Variants in INSC observed in about 807,000 individuals in gnomAD.
The protein encoded by INSC is INSC spindle orientation adaptor protein.
A neutral mutation model predicts 58.6 loss-of-function variants in INSC; 67 were observed. The ratio of observed to expected loss-of-function variants is 1.14; its 90% confidence interval spans 0.94 to 1.40. The LOEUF (loss-of-function observed/expected upper bound fraction) is 1.40, where lower values mean the gene tolerates loss of function less well. Ranked by LOEUF, INSC falls within the 40% of genes most tolerant of loss-of-function variation. The probability of loss-of-function intolerance (pLI) is 0.00; values close to 1 mark genes in which losing one functional copy is unlikely to be tolerated. For synonymous variants in INSC, 262 were observed against 276.1 expected, an observed-to-expected ratio of 0.95 and a Z score of 0.51; for missense variants, 714 against 692.0, an observed-to-expected ratio of 1.03 and a Z score of -0.36.
At chr11:15,144,836 G>A (rs558895624) in intron 1 of INSC, among the ~76,000 whole-genome samples, 2 of 152,384 alleles carry the variant, frequency 1.3e-5, no homozygotes, top group African/African-American at 2.4e-5. Flanking sequence ...GCAGAGATGA[G>A]CTGTCCAAAC....
chr11:15,239,258 G>A (rs761930667), intron 11 of INSC, among the ~76,000 whole-genome samples, 184 bp downstream of exon 11: 19 of 152,194 alleles, frequency 1.2e-4, no homozygotes, highest in Non-Finnish European at 2.2e-4. Context: ...ACTTGGGGCC[G>A]AAGCAAGAGG....
At position 15,175,879 on chromosome 11, in the gene INSC, A is replaced by C; in HGVS notation, c.195A>C (p.Ala65=). The C allele has an allele frequency of 6.2e-7, 1 of 1,614,094 alleles. No homozygotes were observed. Among genetic ancestry groups the C allele is most frequent in the Non-Finnish European group, 8.5e-7 (1 of 1,179,920 alleles). Residue 65 remains alanine, a synonymous_variant, in exon 3 of 13, where the codon GCA becomes GCC. Transcript: ENST00000379556. ...ATGCACAGGGTGACCTCATCCTGGC[A>C]GGTGGCCCTGGCCCTGGAGACCCCC... ...EEDAQGDLIL[A]GGPGPGDPLQ...
chr11:15,164,430 G>A (rs1470292266), intron 2 of INSC, among the ~76,000 whole-genome samples: 1 of 152,096 alleles, frequency 6.6e-6, no homozygotes, highest in East Asian at 1.9e-4. Flanking sequence ...TCTCGTTCCT[G>A]TGCCTCTGTT....
At chr11:15,156,474 T>G (rs1848818995) in intron 2 of INSC, among the ~76,000 whole-genome samples, 1 of 152,178 alleles carries the variant, frequency 6.6e-6, no homozygotes, top group Non-Finnish European at 1.5e-5. Context: ...ATTCATTGTG[T>G]GATGTTGGCC....
At chr11:15,266,811 C>T in the INSC span, among the ~76,000 whole-genome samples, 1 of 151,974 alleles carries the variant, frequency 6.6e-6, no homozygotes, top group Admixed American at 6.6e-5. Flanking sequence ...ACTTTCCCAA[C>T]CACTTCATGC....
chr11:15,166,063 A>G (rs1849185761), intron 2 of INSC, among the ~76,000 whole-genome samples: 2 of 152,174 alleles, frequency 1.3e-5, no homozygotes, highest in South Asian at 2.1e-4. Context: ...GTCAGTGTCA[A>G]TAGTGTTTCA....
chr11:15,163,457 G>A (rs1417513503), intron 2 of INSC, among the ~76,000 whole-genome samples: 1 of 151,854 alleles, frequency 6.6e-6, no homozygotes, highest in Non-Finnish European at 1.5e-5. Flanking sequence ...AAAGTTTTCT[G>A]ATTTATAGTT....
intron 2 of INSC, among the ~76,000 whole-genome samples, chr11:15,152,888 T>G (rs1311460332): frequency 6.6e-6 from 1 of 152,204 alleles, no homozygotes. Flanking sequence ...GTGAAGTTAC[T>G]TGCTCAAGAA....
intron 2 of INSC, among the ~76,000 whole-genome samples, chr11:15,155,713 G>A (rs1714348): frequency 0.39 from 59,254 of 152,072 alleles, 12,364 homozygotes; most frequent in Non-Finnish European, 0.48. Context: ...AAGTAAGGCA[G>A]AGAAATCCAA....
chr11:15,198,401 G>T (rs1033804668), intron 6 of INSC, among the ~76,000 whole-genome samples: 1 of 152,136 alleles, frequency 6.6e-6, no homozygotes, highest in African/African-American at 2.4e-5. Flanking sequence ...TGAGAGAGAT[G>T]TAATGAGAAT....
chr11:15,207,902 A>G (rs1850869462), intron 7 of INSC, among the ~76,000 whole-genome samples: 1 of 152,176 alleles, frequency 6.6e-6, no homozygotes, highest in Non-Finnish European at 1.5e-5. Flanking sequence ...GAGCAAGTTG[A>G]GGCTGGAAAG....
At chr11:15,255,711 T>C in the INSC span, among the ~76,000 whole-genome samples, 1 of 144,416 alleles carries the variant, frequency 6.9e-6, no homozygotes, top group South Asian at 2.4e-4. Flanking sequence ...AGGCTATTTG[T>C]ATGTATGTAT....
At chr11:15,166,404 T>C (rs564684287) in intron 2 of INSC, among the ~76,000 whole-genome samples, 1 of 152,336 alleles carries the variant, frequency 6.6e-6, no homozygotes, top group Admixed American at 6.5e-5. Context: ...TTCAAAATCT[T>C]TATTATCATA....
chr11:15,253,720 A>T, the INSC span, among the ~76,000 whole-genome samples: 1 of 151,840 alleles, frequency 6.6e-6, no homozygotes, highest in African/African-American at 2.4e-5. Context: ...CAAGCCCTGG[A>T]TGAGATTTAC....
At chr11:15,145,613 C>A (rs1306441119) in intron 1 of INSC, among the ~76,000 whole-genome samples, 1 of 152,184 alleles carries the variant, frequency 6.6e-6, no homozygotes, top group Admixed American at 6.5e-5. Flanking sequence ...ATGATCTCCC[C>A]TCCCCTGATC....
intron 1 of INSC, among the ~76,000 whole-genome samples, chr11:15,131,652 G>A (rs1848128507): frequency 6.6e-6 from 1 of 151,946 alleles, no homozygotes; most frequent in Non-Finnish European, 1.5e-5. Context: ...ATGCTATTAG[G>A]TATATCATCA....
chr11:15,217,712 A>G (rs1851272924), intron 7 of INSC, among the ~76,000 whole-genome samples: 1 of 152,224 alleles, frequency 6.6e-6, no homozygotes, highest in African/African-American at 2.4e-5. Context: ...TAAACAGGCA[A>G]TTTATAGTAG....
intron 10 of INSC, among the ~76,000 whole-genome samples, chr11:15,235,973 T>G (rs1424530986): frequency 6.7e-6 from 1 of 150,104 alleles, no homozygotes; most frequent in Non-Finnish European, 1.5e-5. Flanking sequence ...GGAGAATCAC[T>G]TGAACCTGGG....
chr11:15,124,860 A>C (rs903717907), intron 1 of INSC, among the ~76,000 whole-genome samples: 2 of 151,954 alleles, frequency 1.3e-5, no homozygotes, highest in Non-Finnish European at 2.9e-5. Flanking sequence ...TAAGTTACAG[A>C]CTCATTTGCT....
Sources: gnomAD v4.1 joint callset for allele counts (sites outside exome capture counted in the v4.1 genomes callset) on GRCh38, gnomAD v4.1.1 for gene constraint, MANE v1.5 for transcripts, NCBI Gene and HGNC (gene_info 2026-07-23, HGNC 2026-07-21) for gene names.